GNG2: variants seen among roughly 807,000 people sequenced by gnomAD.
GNG2 encodes the protein guanine nucleotide-binding protein G(I)/G(S)/G(O) subunit gamma-2.
A neutral mutation model predicts 5.5 loss-of-function variants in GNG2; 5 were observed. The observed-to-expected ratio is 0.91, with a 90% CI of 0.48 to 1.92. The LOEUF (loss-of-function observed/expected upper bound fraction) is 1.92. Among genes scored for constraint, GNG2 ranks in the 30% most tolerant of loss-of-function variants. GNG2 has a pLI of 0.01. For missense variants in GNG2, 55 were observed against 88.4 expected, an observed-to-expected ratio of 0.62 and a Z score of 1.52; for synonymous variants, 28 against 32.0, an observed-to-expected ratio of 0.88 and a Z score of 0.42.
intron 2 of GNG2, among the ~76,000 whole-genome samples, chr14:51,885,372 A>T (rs1884377368): frequency 6.6e-6 from 1 of 152,204 alleles, no homozygotes; most frequent in African/African-American, 2.4e-5. Context: ...ATTACCACTT[A>T]TTTGGAAAAT....
intron 2 of GNG2, among the ~76,000 whole-genome samples, chr14:51,887,008 G>A (rs543935381): frequency 1.3e-5 from 2 of 152,278 alleles, no homozygotes; most frequent in Middle Eastern, 3.4e-3. Flanking sequence ...ACAAAAACTT[G>A]TTTAAACCAG....
chr14:51,840,969 C>G (rs765043150), intron 2 of GNG2, among the ~76,000 whole-genome samples: 8 of 152,160 alleles, frequency 5.3e-5, no homozygotes, highest in Non-Finnish European at 1.2e-4. Context: ...TAATTGGAGT[C>G]TTCACATATC....
Position 51,837,576 on chromosome 14 carries a change from C to T in GNG2, c.64+9769C>T, listed in dbSNP as rs370756272. Among the ~76,000 whole-genome samples, 36 of 150,600 alleles carry T rather than the reference C, an allele frequency of 2.4e-4. 1 individual carries two copies. The South Asian group carries it at 3.2e-3, about 13-fold the overall frequency. On this transcript the variant is annotated intron_variant, in intron 2 of 3. Transcript: ENST00000553432. ...GCAGCAGAATCTCTTGAACCCAGGA[C>T]GCAGAGGCCGCAGTGAGCTGAGATT...
chr14:51,948,917 C>CA (rs926295368), intron 2 of GNG2, among the ~76,000 whole-genome samples: 1 of 151,968 alleles, frequency 6.6e-6, no homozygotes, highest in Non-Finnish European at 1.5e-5. Flanking sequence ...GTCAGGAGAT[C>CA]AAGACCATCC....
intron 2 of GNG2, among the ~76,000 whole-genome samples, chr14:51,940,802 G>T (rs1386546038): frequency 6.6e-6 from 1 of 152,142 alleles, no homozygotes; most frequent in Non-Finnish European, 1.5e-5. Flanking sequence ...AGTATTTTCA[G>T]GTCAAAGTGA....
At chr14:51,834,861 A>G (rs2748129) in intron 2 of GNG2, among the ~76,000 whole-genome samples, 46,359 of 152,100 alleles carry the variant, frequency 0.3, 8,188 homozygotes, top group Non-Finnish European at 0.38. Flanking sequence ...TTTGTGCTAT[A>G]TCCTGCTCTG....
intron 2 of GNG2, among the ~76,000 whole-genome samples, chr14:51,837,192 A>G (rs1881356220): frequency 6.6e-6 from 1 of 152,194 alleles, no homozygotes; most frequent in Non-Finnish European, 1.5e-5. Context: ...AATAAAAATA[A>G]ACTGGAAAAT....
At chr14:51,864,598 GA>G (rs1488801035) in intron 1 of GNG2, among the ~76,000 whole-genome samples, 1 of 152,192 alleles carries the variant, frequency 6.6e-6, no homozygotes, top group East Asian at 1.9e-4. Context: ...GTGATGTCCA[GA>G]ACCTGATAGT....
upstream of GNG2, among the ~76,000 whole-genome samples, chr14:51,859,215 T>C (rs1159725460): frequency 6.6e-6 from 1 of 152,160 alleles, no homozygotes; most frequent in African/African-American, 2.4e-5. Context: ...GTGTTTTTTG[T>C]TGTTGTTGTT....
chr14:51,959,253 T>C (rs1278657221), intron 3 of GNG2, among the ~76,000 whole-genome samples: 1 of 152,130 alleles, frequency 6.6e-6, no homozygotes, highest in East Asian at 1.9e-4. Context: ...CTAGCCCGAT[T>C]ATTTATCTCA....
chr14:51,848,881 C>T (rs1423586943), intron 2 of GNG2, among the ~76,000 whole-genome samples: 3 of 152,164 alleles, frequency 2.0e-5, no homozygotes, highest in East Asian at 3.9e-4. Context: ...ACTGACCTCA[C>T]TTTCTACCCG....
chr14:51,930,141 C>G (rs1241699565), intron 2 of GNG2, among the ~76,000 whole-genome samples: 1 of 152,190 alleles, frequency 6.6e-6, no homozygotes, highest in East Asian at 1.9e-4. Context: ...CTTCCAATTC[C>G]TTTGTGTGTG....
Position 51,879,084 on chromosome 14 carries a change from G to A in GNG2, c.-30+1427G>A, listed in dbSNP as rs142735638. 5.6e-4 allele frequency among the ~76,000 whole-genome samples: 86 copies of A among 152,330 alleles called. No individual in the cohort carries two copies. In the East Asian group the frequency reaches 9.3e-3, roughly 16 times the overall value. On this transcript the variant is annotated intron_variant, in intron 2 of 3. Coordinates refer to ENST00000556766, the MANE Select transcript of GNG2 (RefSeq NM_053064.5). ...GACATCCAGAGCACTCTAGGGAGAC[G>A]TTGTGAACATTGTGAACTACCGTGT...
intron 2 of GNG2, among the ~76,000 whole-genome samples, chr14:51,945,470 A>G (rs1888588368): frequency 6.6e-6 from 1 of 152,208 alleles, no homozygotes; most frequent in African/African-American, 2.4e-5. Flanking sequence ...TCTATGAGAT[A>G]CCTAAAGTAG....
chr14:51,942,097 G>A (rs1594942936), intron 2 of GNG2, among the ~76,000 whole-genome samples: 2 of 152,130 alleles, frequency 1.3e-5, no homozygotes, highest in Admixed American at 6.5e-5. Context: ...TTTTAGATAA[G>A]CCGGGACCAG....
intron 2 of GNG2, among the ~76,000 whole-genome samples, chr14:51,852,645 C>T (rs1295323735): frequency 6.6e-6 from 1 of 152,200 alleles, no homozygotes; most frequent in Non-Finnish European, 1.5e-5. Flanking sequence ...TTTGCCAAGT[C>T]AATAATTTGA....
chr14:51,865,345 AT>A (rs1882804555), intron 1 of GNG2, among the ~76,000 whole-genome samples: 1 of 152,152 alleles, frequency 6.6e-6, no homozygotes, highest in African/African-American at 2.4e-5. Context: ...CACCTCCAAG[AT>A]GATGACTATG....
chr14:51,833,663 A>G (rs1379215900), intron 2 of GNG2, among the ~76,000 whole-genome samples: 1 of 152,246 alleles, frequency 6.6e-6, no homozygotes, highest in African/African-American at 2.4e-5. Context: ...TTGTGGAGTA[A>G]CAGATATAAT....
intron 2 of GNG2, among the ~76,000 whole-genome samples, chr14:51,922,722 CAAA>C (rs889894633): frequency 1.3e-5 from 2 of 151,994 alleles, no homozygotes; most frequent in Non-Finnish European, 2.9e-5. Context: ...GAGTAAGAAA[CAAA>C]AAAGCCTTTC....
Sources: allele counts gnomAD v4.1 joint callset (sites outside exome capture counted in the v4.1 genomes callset), GRCh38; gene constraint gnomAD v4.1.1; transcripts MANE v1.5; gene names NCBI Gene and HGNC (gene_info 2026-07-23, HGNC 2026-07-21).